ZC3H11A: variants seen among roughly 807,000 people sequenced by gnomAD.
ZC3H11A encodes the protein zinc finger CCCH domain-containing protein 11A.
Under a neutral mutation model 90.8 loss-of-function variants are expected in ZC3H11A, and 22 were observed. The observed-to-expected ratio is 0.24, with a 90% CI of 0.17 to 0.35. The LOEUF is 0.35. ZC3H11A is among the 10% of genes least tolerant of loss of function. ZC3H11A has a pLI of 1.00. For synonymous variants in ZC3H11A, 294 were observed against 339.8 expected, an observed-to-expected ratio of 0.87 and a Z score of 1.48; for missense variants, 701 against 964.9, an observed-to-expected ratio of 0.73 and a Z score of 3.62.
rs1158161883 is a variant in ZC3H11A at position 203,818,827 on chromosome 1, T to G, written c.174+138T>G. Reference sequence around the variant, plus strand: ...GCTCATGCCTGTAGTTCCAGCACTTTGGGAGGCTGAGGCGGGTAGATCATG... The same window carrying G: ...GCTCATGCCTGTAGTTCCAGCACTTGGGGAGGCTGAGGCGGGTAGATCATG... On this transcript the variant is annotated intron_variant, in intron 4 of 17. Coordinates refer to ENST00000367210, the MANE Select transcript of ZC3H11A (RefSeq NM_001376342.1). 6 of 1,367,346 alleles carry G rather than the reference T, an allele frequency of 4.4e-6. 1 individual carries two copies. The African/African-American group carries it at 7.3e-5, about 17-fold the overall frequency. 84.7% of individuals were successfully genotyped at this position (1,367,346 alleles called of 1,614,324 possible).
chr1:203,809,779 C>A (rs377560677), intron 2 of ZC3H11A, among the ~76,000 whole-genome samples: 1 of 151,950 alleles, frequency 6.6e-6, no homozygotes, highest in Admixed American at 6.6e-5. Flanking sequence ...CATGGTGAAA[C>A]CCCGTCTCTA....
Position 203,847,171 on chromosome 1 carries a change from C to A in ZC3H11A, c.1043-13C>A. Reference sequence around the variant, plus strand: ...TTCAAGTATAATGACATGTTTTTCTCCTGTGAAAACAGATAAAGTTAATAA... The same window carrying A: ...TTCAAGTATAATGACATGTTTTTCTACTGTGAAAACAGATAAAGTTAATAA... On this transcript the variant is annotated splice_polypyrimidine_tract_variant and intron_variant, in intron 12 of 17. Transcript: ENST00000367210. The A allele has an allele frequency of 6.2e-7, 1 of 1,610,280 alleles. No individual in the cohort carries two copies.
In ZC3H11A at chr1:203,852,288, G is replaced by C; in HGVS notation, c.2322G>C (p.Glu774Asp). 1 of 1,613,722 alleles carries C rather than the reference G, an allele frequency of 6.2e-7. No individual in the cohort carries two copies. The highest frequency in any genetic ancestry group is 8.5e-7 in the Non-Finnish European group (1 of 1,179,844). ...KPPLSVEDDFEKLIWEISGGK... is the reference protein window; with the variant it reads ...KPPLSVEDDFDKLIWEISGGK... Reference sequence around the variant, plus strand: ...CACTCTCTGTGGAGGATGATTTTGAGAAACTAATATGGGAGATTTCAGGAG... The same window carrying C: ...CACTCTCTGTGGAGGATGATTTTGACAAACTAATATGGGAGATTTCAGGAG... The change falls in exon 18 of 18, where the codon GAG becomes GAC. Residue 774 changes from glutamate (E) to aspartate (D), a missense_variant. Coordinates refer to ENST00000367210, the MANE Select transcript of ZC3H11A (RefSeq NM_001376342.1).
At chr1:203,803,966 C>G (rs962364985) in intron 2 of ZC3H11A, among the ~76,000 whole-genome samples, 1 of 152,102 alleles carries the variant, frequency 6.6e-6, no homozygotes, top group African/African-American at 2.4e-5. Flanking sequence ...GTAATAAACT[C>G]TAATTGGGAT....
At chr1:203,798,195 G>C in intron 1 of ZC3H11A, 1 of 1,536,120 alleles carries the variant, frequency 6.5e-7, no homozygotes, top group Non-Finnish European at 8.7e-7. Flanking sequence ...TCCATTAGAT[G>C]ATAATAGAAT....
intron 1 of ZC3H11A, chr1:203,798,699 C>T (rs570640442): frequency 1.8e-5 from 28 of 1,536,054 alleles, no homozygotes; most frequent in Admixed American, 7.8e-5. Flanking sequence ...CACTCTGATG[C>T]GTGCGCAGGA....
chr1:203,837,493 G>C (rs146617161), intron 10 of ZC3H11A, among the ~76,000 whole-genome samples: 1 of 146,444 alleles, frequency 6.8e-6, no homozygotes, highest in Non-Finnish European at 1.5e-5. Context: ...TTGCTGTATC[G>C]CCCAGGCAGG....
intron 4 of ZC3H11A, among the ~76,000 whole-genome samples, chr1:203,821,155 G>T (rs111803133): frequency 6.6e-6 from 1 of 152,060 alleles, no homozygotes; most frequent in Non-Finnish European, 1.5e-5. Flanking sequence ...GTGCGTTCTC[G>T]TGAGATCTGA....
intron 4 of ZC3H11A, among the ~76,000 whole-genome samples, chr1:203,820,624 T>C (rs1339798382): frequency 6.6e-6 from 1 of 151,974 alleles, no homozygotes; most frequent in Non-Finnish European, 1.5e-5. Flanking sequence ...ACAACGGGCA[T>C]GCCTCACCAC....
chr1:203,799,386 G>A lies in ZC3H11A; in HGVS notation c.-1587-2189G>A, dbSNP rs1224916276. The A allele has an allele frequency of 5.7e-6, 4 of 703,336 alleles. No individual in the cohort carries two copies. In the Admixed American group the frequency reaches 8.0e-5, roughly 14 times the overall value. 43.6% of individuals were successfully genotyped at this position (703,336 alleles called of 1,614,324 possible). On this transcript the variant is annotated intron_variant, in intron 1 of 17. Coordinates refer to ENST00000367210, the MANE Select transcript of ZC3H11A (RefSeq NM_001376342.1). ...TCATCATTTTAGTCATTCGGTCAAGGCCCGTCAGATACTGCAAGAGTTCCA... is the reference window on the plus strand; with the variant it reads ...TCATCATTTTAGTCATTCGGTCAAGACCCGTCAGATACTGCAAGAGTTCCA...
At chr1:203,812,669 C>T (rs767473738) in intron 2 of ZC3H11A, among the ~76,000 whole-genome samples, 1 of 146,346 alleles carries the variant, frequency 6.8e-6, no homozygotes, top group Non-Finnish European at 1.5e-5. Context: ...GCAGCCTCTG[C>T]CTCCTAGGTT....
rs1490254450 is a variant in ZC3H11A, at chr1:203,841,906, C to T, written c.1042+1532C>T. 1.3e-5 allele frequency among the ~76,000 whole-genome samples: 2 copies of T among 150,428 alleles called. 1 individual carries two copies. Among genetic ancestry groups the T allele is most frequent in the Non-Finnish European group, 3.0e-5 (2 of 67,774 alleles). On this transcript the variant is annotated intron_variant, in intron 12 of 17. Transcript: ENST00000367210. ...GACGGGGCGGCCGGGCAGAGACGCT[C>T]CTCACCTCCCAGATGGGGTGGCGGT...
chr1:203,851,026 T>C lies in ZC3H11A; in HGVS notation c.2107-31T>C, dbSNP rs747975247. 1.9e-6 allele frequency: 3 copies of C among 1,610,764 alleles called. No homozygotes were observed. In the South Asian group the frequency reaches 3.3e-5, roughly 18 times the overall value. ...ATGCTCAAATTAAAAAGCCTGACTC[T>C]CACTGAATTACCTGACTCTTCCTTT... On this transcript the variant is annotated intron_variant, in intron 16 of 17. Transcript: ENST00000367210.
chr1:203,798,566 T>A, intron 1 of ZC3H11A: 1 of 1,536,114 alleles, frequency 6.5e-7, no homozygotes, highest in Non-Finnish European at 8.7e-7. Flanking sequence ...ATACCTTGCA[T>A]GGAGAAAAGT....
intron 2 of ZC3H11A, among the ~76,000 whole-genome samples, chr1:203,806,481 T>C (rs1672388208): frequency 6.6e-6 from 1 of 152,152 alleles, no homozygotes; most frequent in South Asian, 2.1e-4. Context: ...TTTGTATTTT[T>C]TAATAGAGAT....
chr1:203,800,415 G>T, intron 1 of ZC3H11A: 1 of 1,302,234 alleles, frequency 7.7e-7, no homozygotes. Flanking sequence ...CTGGGATCCT[G>T]AGCAGAATGA....
intron 2 of ZC3H11A, among the ~76,000 whole-genome samples, chr1:203,804,092 G>T (rs544701351): frequency 4.0e-5 from 6 of 150,504 alleles, no homozygotes; most frequent in African/African-American, 1.5e-4. Context: ...ATAGTGTTTT[G>T]GTTTTGTTTT....
chr1:203,840,897 A>G (rs1264892215), intron 12 of ZC3H11A, among the ~76,000 whole-genome samples: 4 of 152,206 alleles, frequency 2.6e-5, no homozygotes, highest in Admixed American at 2.0e-4. Context: ...GCCTCCCAAA[A>G]TCCTGGGATT....
At chr1:203,848,258 TTTTG>T in intron 13 of ZC3H11A, 69 bp from the exon 14 acceptor site, 1 of 1,262,768 alleles carries the variant, frequency 7.9e-7, no homozygotes, top group Non-Finnish European at 1.1e-6. Flanking sequence ...TTAAATAAAG[TTTTG>T]TTTAACATAT....
Sources: gnomAD v4.1 joint callset for allele counts (sites outside exome capture counted in the v4.1 genomes callset) on GRCh38, gnomAD v4.1.1 for gene constraint, MANE v1.5 for transcripts, NCBI Gene and HGNC (gene_info 2026-07-23, HGNC 2026-07-21) for gene names.